MYO7A: variants seen among roughly 807,000 people sequenced by gnomAD.
MYO7A encodes the protein unconventional myosin-VIIa.
A neutral mutation model predicts 263.8 loss-of-function variants in MYO7A; 210 were observed. The observed-to-expected ratio is 0.80, with a 90% CI of 0.71 to 0.89. MYO7A has a LOEUF of 0.89. Among genes scored for constraint, MYO7A ranks in the 40% least tolerant of loss-of-function variants. MYO7A has a pLI of 0.00. For synonymous variants in MYO7A, 1,239 were observed against 1,197.3 expected (o/e 1.03, Z -0.72); for missense variants, 2,820 against 2,968.3 (o/e 0.95, Z 1.16).
At chr11:77,181,861 T>C in intron 23 of MYO7A, 90 bp from the exon 24 acceptor site, 2 of 1,136,228 alleles carry the variant, frequency 1.8e-6, no homozygotes, top group Non-Finnish European at 2.5e-6. Flanking sequence ...CACAGCTCAC[T>C]GCAGCCTTGA....
At chr11:77,195,187 G>A (rs1039300355) in intron 32 of MYO7A, among the ~76,000 whole-genome samples, 6 of 152,032 alleles carry the variant, frequency 3.9e-5, no homozygotes, top group African/African-American at 1.4e-4. Context: ...GTCCTCACCC[G>A]GGAGCCCTGT....
At chr11:77,184,903 G>A (rs1307767282) in intron 27 of MYO7A, 188 bp downstream of exon 27, 1 of 1,011,482 alleles carries the variant, frequency 9.9e-7, no homozygotes, top group Non-Finnish European at 1.5e-6. Context: ...TGTCTGTAAA[G>A]GGGGAATCCT....
chr11:77,133,650 G>A (rs115018255), intron 2 of MYO7A, among the ~76,000 whole-genome samples: 2,285 of 151,666 alleles, frequency 0.015, 68 homozygotes, highest in African/African-American at 0.052. Flanking sequence ...GTTAGATCAT[G>A]TGGTTGGTTT....
intron 32 of MYO7A, 133 bp from the exon 33 acceptor site, chr11:77,197,348 C>T (rs567110217): frequency 7.8e-6 from 5 of 643,110 alleles, no homozygotes; most frequent in African/African-American, 7.3e-5. Flanking sequence ...CAGATGGGAG[C>T]AGGGCAAGGC....
intron 15 of MYO7A, among the ~76,000 whole-genome samples, chr11:77,168,312 TG>T (rs1953753003): frequency 6.6e-6 from 1 of 152,176 alleles, no homozygotes; most frequent in South Asian, 2.1e-4. Context: ...TCTCCAGAAA[TG>T]GCCCCCTCCA....
chr11:77,159,403 G>GCCCCCCCCCCCCCCCC, intron 9 of MYO7A, 44 bp from the exon 10 acceptor site: 1 of 711,722 alleles, frequency 1.4e-6, no homozygotes, highest in Non-Finnish European at 2.5e-6. Context: ...TGCCCCTGTT[G>GCCCCCCCCCCCCCCCC]CCCACCCTCC....
chr11:77,193,129 C>CTGTTGGTGATGGTGGAGGTAGT, intron 31 of MYO7A, among the ~76,000 whole-genome samples: 1 of 43,374 alleles, frequency 2.3e-5, no homozygotes, highest in East Asian at 1.0e-3. Flanking sequence ...GTGGAGGTAG[C>CTGTTGGTGATGGTGGAGGTAGT]GATGCTGTTG....
At chr11:77,173,473 A>G (rs782019331) in intron 16 of MYO7A, among the ~76,000 whole-genome samples, 2 of 152,112 alleles carry the variant, frequency 1.3e-5, no homozygotes, top group East Asian at 1.9e-4. Context: ...GCCTCCTTCA[A>G]CCTTCTCAAA....
In MYO7A at chr11:77,157,367, C is replaced by T; in HGVS notation, c.824C>T (p.Ala275Val). The T allele has an allele frequency of 6.2e-7, 1 of 1,609,898 alleles. No homozygotes were observed. The highest frequency in any genetic ancestry group is 8.5e-7 in the Non-Finnish European group (1 of 1,178,166). The change falls in exon 8 of 49, where the codon GCC becomes GTC. Residue 275 changes from alanine to valine, a missense_variant. By Grantham distance (64) the Ala-to-Val change is moderately conservative. Coordinates refer to ENST00000409709, the MANE Select transcript of MYO7A (RefSeq NM_000260.4). ...AAGAAGAAGCTGGGCTTGGGCCAGG[C>T]CTCTGACTACAACTACTTGGCCATG... is the stretch of plus-strand genomic sequence containing the variant. ...DQKKKLGLGQ[A>V]SDYNYLAMGN...
At position 77,135,419 on chromosome 11, in the gene MYO7A, G is replaced by T. The variant is rs527948363; in HGVS notation, c.18+4767G>T. Among the ~76,000 whole-genome samples the T allele has an allele frequency of 2.0e-5, 3 of 152,296 alleles. No homozygotes were observed. In the South Asian group the frequency reaches 6.2e-4, roughly 32 times the overall value. On this transcript the variant is annotated intron_variant, in intron 2 of 48. Transcript: ENST00000409709. ...CAGAATTTCCTTCCGTCTTAAGGCTGAGTAACGTTTTATTGTATGTTTATA... is the reference window on the plus strand; with the variant it reads ...CAGAATTTCCTTCCGTCTTAAGGCTTAGTAACGTTTTATTGTATGTTTATA...
chr11:77,195,379 T>C (rs1956571870), intron 32 of MYO7A, among the ~76,000 whole-genome samples: 1 of 152,034 alleles, frequency 6.6e-6, no homozygotes, highest in Non-Finnish European at 1.5e-5. Flanking sequence ...GTGAGAGCCC[T>C]GCCCTTCATC....
intron 9 of MYO7A, 44 bp from the exon 10 acceptor site, chr11:77,159,403 G>GCCCCCCCCCCCCCCCCCCCTCCC: frequency 1.4e-6 from 1 of 711,722 alleles, no homozygotes; most frequent in East Asian, 2.7e-5. Context: ...TGCCCCTGTT[G>GCCCCCCCCCCCCCCCCCCCTCCC]CCCACCCTCC....
rs1334628402 is a variant in MYO7A at position 77,201,656 on chromosome 11, G to A, written c.5043+18G>A. Reference sequence around the variant, plus strand: ...AGATTGTGGTATGTGGCCTGGGGGTGGCAGATGGGTGGGAGGTGCCATTAG... The same window carrying A: ...AGATTGTGGTATGTGGCCTGGGGGTAGCAGATGGGTGGGAGGTGCCATTAG... On this transcript the variant is annotated intron_variant, in intron 36 of 48. Coordinates refer to ENST00000409709, the MANE Select transcript of MYO7A (RefSeq NM_000260.4). 4.4e-6 allele frequency: 7 copies of A among 1,608,862 alleles called. No homozygotes were observed. The highest frequency in any genetic ancestry group is 6.0e-6 in the Non-Finnish European group (7 of 1,176,222).
Position 77,162,150 on chromosome 11 carries a change from T to G in MYO7A, c.1374T>G (p.Asn458Lys), listed in dbSNP as rs782293740. Reference protein sequence around the residue: ...SFEQLCINFANEHLQQFFVRH... With the variant: ...SFEQLCINFAKEHLQQFFVRH... ...AGCAGCTCTGCATCAACTTCGCCAA[T>G]GAGCACCTGCAGCAGTTCTTTGTGC... is the stretch of plus-strand genomic sequence containing the variant. Residue 458 changes from asparagine to lysine, a missense_variant, in exon 13 of 49, where the codon AAT becomes AAG. Coordinates refer to ENST00000409709, the MANE Select transcript of MYO7A (RefSeq NM_000260.4). 6.2e-7 allele frequency: 1 copy of G among 1,603,898 alleles called. No homozygotes were observed. The highest frequency in any genetic ancestry group is 1.7e-5 in the Admixed American group (1 of 58,752).
intron 27 of MYO7A, among the ~76,000 whole-genome samples, chr11:77,187,860 A>G (rs1955756817): frequency 6.6e-6 from 1 of 152,158 alleles, no homozygotes; most frequent in African/African-American, 2.4e-5. Flanking sequence ...CAGAGTAGGG[A>G]AGAGATTTGC....
intron 3 of MYO7A, among the ~76,000 whole-genome samples, chr11:77,146,304 G>A (rs568975432): frequency 2.0e-5 from 3 of 152,328 alleles, no homozygotes; most frequent in African/African-American, 7.2e-5. Flanking sequence ...GCCAGGCTGA[G>A]GAGCCCAGGG....
intron 31 of MYO7A, 22 bp from the exon 32 acceptor site, chr11:77,194,332 A>G (rs1956476708): frequency 1.2e-6 from 2 of 1,605,464 alleles, no homozygotes; most frequent in African/African-American, 2.7e-5. Context: ...CCAATGCATG[A>G]CCGAGGCCTC....
rs542717483 is a variant in MYO7A, at chr11:77,171,103, A to G, written c.1798-1645A>G. Among the ~76,000 whole-genome samples the G allele has an allele frequency of 1.1e-3, 163 of 152,362 alleles. 1 individual carries two copies. Among genetic ancestry groups the G allele is most frequent in the Non-Finnish European group, 7.3e-5 (5 of 68,034 alleles). On this transcript the variant is annotated intron_variant, in intron 15 of 48. Coordinates refer to ENST00000409709, the MANE Select transcript of MYO7A (RefSeq NM_000260.4). The stretch of plus-strand genomic sequence containing the variant: ...CCTGTCCTCATGGGGCTCCCAGCCC[A>G]GCAGGGAGGACGGGCAGAAAGCAGT...
intron 3 of MYO7A, among the ~76,000 whole-genome samples, chr11:77,145,853 C>T (rs1289338699): frequency 1.3e-5 from 2 of 152,054 alleles, no homozygotes; most frequent in Admixed American, 6.5e-5. Context: ...CACCCTCCTC[C>T]GAGCCTGTTT....
Sources: allele counts gnomAD v4.1 joint callset (sites outside exome capture counted in the v4.1 genomes callset), GRCh38; gene constraint gnomAD v4.1.1; transcripts MANE v1.5; gene names NCBI Gene and HGNC (gene_info 2026-07-23, HGNC 2026-07-21).